Variants in PSTPIP1 observed in about 807,000 individuals in gnomAD.
PSTPIP1 encodes proline-serine-threonine phosphatase-interacting protein 1.
A neutral mutation model predicts 69.6 loss-of-function variants in PSTPIP1; 66 were observed. The observed-to-expected ratio is 0.95, with a 90% CI of 0.78 to 1.16. The LOEUF (loss-of-function observed/expected upper bound fraction) is 1.16, where lower values mean the gene tolerates loss of function less well. PSTPIP1 is among the 50% of genes most tolerant of loss of function. PSTPIP1 has a pLI of 0.00. For missense variants in PSTPIP1, 603 were observed against 557.4 expected, an observed-to-expected ratio of 1.08 and a Z score of -0.82; for synonymous variants, 266 against 222.7, an observed-to-expected ratio of 1.19 and a Z score of -1.73.
chr15:77,011,580 A>C (rs2075935234), intron 1 of PSTPIP1, among the ~76,000 whole-genome samples: 1 of 152,212 alleles, frequency 6.6e-6, no homozygotes, highest in Admixed American at 6.5e-5. Flanking sequence ...TTCTCTAAAA[A>C]CTAAAAGTCT....
In PSTPIP1 at chr15:77,035,005, G is replaced by A. The variant is rs955315343; in HGVS notation, c.930-503G>A. 6.6e-5 allele frequency among the ~76,000 whole-genome samples: 10 copies of A among 152,320 alleles called. No homozygotes were observed. The South Asian group carries it at 1.2e-3, about 19-fold the overall frequency. On this transcript the variant is annotated intron_variant, in intron 12 of 14. Transcript: ENST00000558012. ...GGCCCACAGGGAGGAGGGCTGGCTC[G>A]GCCCAGGCAGTGGAGGCCTCAGCAG...
intron 1 of PSTPIP1, among the ~76,000 whole-genome samples, chr15:77,014,318 G>A (rs561638035): frequency 1.3e-5 from 2 of 152,080 alleles, no homozygotes; most frequent in Non-Finnish European, 1.5e-5. Flanking sequence ...CTTGCTTCTC[G>A]GGTCACCTCT....
rs2075544304 is a variant in PSTPIP1 at position 76,995,141 on chromosome 15, G to C, written c.-433G>C. 10 of 1,110,240 alleles carry C rather than the reference G, an allele frequency of 9.0e-6. No homozygotes were observed. The highest frequency in any genetic ancestry group is 1.1e-5 in the Non-Finnish European group (10 of 886,656). 68.8% of individuals were successfully genotyped at this position (1,110,240 alleles called of 1,614,324 possible). ...GAGGTTGCACAAACCTTCCTGCGCA[G>C]GCCTCGGGCTGCCTGCCTGCCTGCC... On this transcript the variant is annotated 5_prime_UTR_variant, in exon 1 of 15. Transcript: ENST00000558012.
intron 5 of PSTPIP1, among the ~76,000 whole-genome samples, chr15:77,025,899 G>C (rs2076270013): frequency 6.6e-6 from 1 of 152,168 alleles, no homozygotes. Context: ...AGGGTCTGTG[G>C]CAACTTGGCA....
At chr15:77,007,875 T>G (rs1372757354) in intron 1 of PSTPIP1, 1 of 455,848 alleles carries the variant, frequency 2.2e-6, no homozygotes, top group Non-Finnish European at 4.4e-6. Flanking sequence ...ATTACAAGTG[T>G]GAGCCACCGC....
chr15:77,020,879 G>GGT (rs574797740), intron 3 of PSTPIP1, among the ~76,000 whole-genome samples: 1,924 of 128,158 alleles, frequency 0.015, 30 homozygotes, highest in African/African-American at 0.054. Context: ...GGGGGGGGGG[G>GGT]GTGTGTGTGT....
At position 77,032,294 on chromosome 15, in the gene PSTPIP1, C is replaced by T; in HGVS notation, c.742-4C>T. 1 of 1,612,282 alleles carries T rather than the reference C, an allele frequency of 6.2e-7. No individual in the cohort carries two copies. The highest frequency in any genetic ancestry group is 8.5e-7 in the Non-Finnish European group (1 of 1,179,584). Reference sequence around the variant, plus strand: ...GCTGCGGCCTCTGCTCTTTCCTGCCCCAGCTCTACGAGGAAGTGCGGCTGA... The same window carrying T: ...GCTGCGGCCTCTGCTCTTTCCTGCCTCAGCTCTACGAGGAAGTGCGGCTGA... On this transcript the variant is annotated splice_region_variant and splice_polypyrimidine_tract_variant and intron_variant, in intron 10 of 14. Coordinates refer to ENST00000558012, the MANE Select transcript of PSTPIP1 (RefSeq NM_003978.5).
chr15:77,010,835 A>G (rs925320490), intron 1 of PSTPIP1, among the ~76,000 whole-genome samples: 7 of 152,064 alleles, frequency 4.6e-5, no homozygotes, highest in African/African-American at 1.7e-4. Context: ...TAGTAGAGAC[A>G]GGGTTTCACC....
Position 77,018,472 on chromosome 15 carries a change from G to A in PSTPIP1, c.153G>A (p.Glu51=). Residue 51 remains glutamate (E), a synonymous_variant, in exon 3 of 15, where the codon GAG becomes GAA. Coordinates refer to ENST00000558012, the MANE Select transcript of PSTPIP1 (RefSeq NM_003978.5). The stretch of plus-strand genomic sequence containing the variant: ...TTTTTTGCAGGGCCCAGGCGGAGGA[G>A]CGGTACGGGAAGGAGCTGGTGCAGA... ...ELLRQRAQAE[E]RYGKELVQIA... The A allele has an allele frequency of 6.3e-7, 1 of 1,584,092 alleles. No individual in the cohort carries two copies.
In PSTPIP1 at chr15:77,000,636, G is replaced by A. The variant is rs1054844594; in HGVS notation, c.36+5027G>A. Reference sequence around the variant, plus strand: ...CACACAACTGCTAATATTATGCTGTGTTTGCATAAGATTGCCTTACATAGG... The same window carrying A: ...CACACAACTGCTAATATTATGCTGTATTTGCATAAGATTGCCTTACATAGG... On this transcript the variant is annotated intron_variant, in intron 1 of 14. Transcript: ENST00000558012. 2.0e-5 allele frequency among the ~76,000 whole-genome samples: 3 copies of A among 152,122 alleles called. No homozygotes were observed. In the South Asian group the frequency reaches 6.2e-4, roughly 31 times the overall value.
At chr15:77,021,230 G>A (rs34127110) in intron 3 of PSTPIP1, among the ~76,000 whole-genome samples, 57,154 of 152,100 alleles carry the variant, frequency 0.38, 11,942 homozygotes, top group Middle Eastern at 0.53. Context: ...CTGGAGGCTC[G>A]GGCCACTGAA....
At chr15:77,030,996 C>T (rs1167192558) in intron 9 of PSTPIP1, among the ~76,000 whole-genome samples, 184 bp from the exon 10 acceptor site, 1 of 152,246 alleles carries the variant, frequency 6.6e-6, no homozygotes, top group African/African-American at 2.4e-5. Flanking sequence ...CTCCACCTCC[C>T]TCCCTGCAGC....
chr15:77,037,192 C>T lies in PSTPIP1; in HGVS notation c.*16C>T, dbSNP rs2076602298. 1.3e-6 allele frequency: 2 copies of T among 1,581,492 alleles called. No individual in the cohort carries two copies. Among genetic ancestry groups the T allele is most frequent in the Non-Finnish European group, 1.7e-6 (2 of 1,165,722 alleles). On this transcript the variant is annotated 3_prime_UTR_variant, in exon 15 of 15. Transcript: ENST00000558012. Reference sequence around the variant, plus strand: ...GAAGCTTTGAGGAAGGGCCAGGAGCCCCTTCGGACCTGCCCTGCCAGTGGA... The same window carrying T: ...GAAGCTTTGAGGAAGGGCCAGGAGCTCCTTCGGACCTGCCCTGCCAGTGGA...
At position 76,995,624 on chromosome 15, in the gene PSTPIP1, T is replaced by C. The variant is rs752123803; in HGVS notation, c.36+15T>C. The C allele has an allele frequency of 6.2e-6, 10 of 1,612,938 alleles. No individual in the cohort carries two copies. Among genetic ancestry groups the C allele is most frequent in the South Asian group, 2.2e-5 (2 of 91,032 alleles). ...ATGCCTTTTGGGTGAGTGAGGATGG[T>C]TGGGGGCACTGAACAAGTGGAGGGG... On this transcript the variant is annotated intron_variant, in intron 1 of 14. Coordinates refer to ENST00000558012, the MANE Select transcript of PSTPIP1 (RefSeq NM_003978.5).
chr15:77,002,617 G>A (rs376758207), intron 1 of PSTPIP1, among the ~76,000 whole-genome samples: 147 of 152,296 alleles, frequency 9.7e-4, no homozygotes, highest in African/African-American at 3.3e-3. Context: ...TCCACAGGAC[G>A]TGGCCGGCTG....
chr15:77,022,386 T>A (rs2076179206), intron 3 of PSTPIP1, among the ~76,000 whole-genome samples: 1 of 152,222 alleles, frequency 6.6e-6, no homozygotes, highest in African/African-American at 2.4e-5. Flanking sequence ...AATTTCAGAC[T>A]GAGCTTCCTG....
chr15:77,014,784 T>C (rs1596076207), intron 1 of PSTPIP1, among the ~76,000 whole-genome samples: 1 of 152,344 alleles, frequency 6.6e-6, no homozygotes, highest in South Asian at 2.1e-4. Flanking sequence ...CAGTAGGCTG[T>C]CCCTGACAGA....
intron 3 of PSTPIP1, among the ~76,000 whole-genome samples, chr15:77,021,660 C>T (rs1164142327): frequency 6.6e-6 from 1 of 152,196 alleles, no homozygotes; most frequent in African/African-American, 2.4e-5. Context: ...GCCTGGGCTG[C>T]AGAGCGAGAC....
chr15:77,021,687 A>AG (rs1374289446), intron 3 of PSTPIP1, among the ~76,000 whole-genome samples: 1 of 152,148 alleles, frequency 6.6e-6, no homozygotes, highest in African/African-American at 2.4e-5. Flanking sequence ...TTAAAAAAAA[A>AG]GATAGTGTTA....
Sources: allele counts gnomAD v4.1 joint callset (sites outside exome capture counted in the v4.1 genomes callset), GRCh38; gene constraint gnomAD v4.1.1; transcripts MANE v1.5; gene names NCBI Gene and HGNC (gene_info 2026-07-23, HGNC 2026-07-21).